CIT: variants seen among roughly 807,000 people sequenced by gnomAD.
CIT encodes citron Rho-interacting kinase.
Under a neutral mutation model 272.7 loss-of-function variants are expected in CIT, and 79 were observed. That is an observed-to-expected ratio of 0.29 (90% CI 0.24 to 0.35). The LOEUF is 0.35. CIT is among the 10% of genes least tolerant of loss of function. The pLI is 1.00. For synonymous variants in CIT, 948 were observed against 995.6 expected (o/e 0.95, Z 0.90); for missense variants, 1,909 against 2,618.3 (o/e 0.73, Z 5.91).
At chr12:119,708,419 C>G (rs1956986625) in intron 39 of CIT, 101 bp from the exon 40 acceptor site, 2 of 1,187,394 alleles carry the variant, frequency 1.7e-6, no homozygotes, top group African/African-American at 1.6e-5. Context: ...TCACAAGAGG[C>G]CACACAGATG....
intron 3 of CIT, among the ~76,000 whole-genome samples, chr12:119,864,073 T>C (rs1164858228): frequency 2.0e-5 from 3 of 152,020 alleles, no homozygotes; most frequent in African/African-American, 7.2e-5. Flanking sequence ...CAGACTCAGA[T>C]GCACGTTTAA....
intron 32 of CIT, among the ~76,000 whole-genome samples, chr12:119,715,654 C>A (rs1322900736): frequency 6.6e-6 from 1 of 152,090 alleles, no homozygotes; most frequent in African/African-American, 2.4e-5. Flanking sequence ...CTGAAAAAGA[C>A]TGAATTGTAC....
In CIT at chr12:119,718,620, T is replaced by C. The variant is rs1415712275; in HGVS notation, c.4003+79A>G. ...CCATAAACGAAGACACTGAGCTAGT[T>C]AGTCTTGGCTGATCTCACTGAGATC... On this transcript the variant is annotated intron_variant, in intron 31 of 47. Coordinates refer to ENST00000392521, the MANE Select transcript of CIT (RefSeq NM_001206999.2). The surrounding 1 kb of genome is among the most constrained non-coding windows in gnomAD (Gnocchi z 4.8). 6.4e-6 allele frequency: 10 copies of C among 1,568,546 alleles called. No individual in the cohort carries two copies. Among genetic ancestry groups the C allele is most frequent in the Middle Eastern group, 2.3e-4 (1 of 4,288 alleles).
At chr12:119,741,541 A>G (rs1179317126) in intron 24 of CIT, among the ~76,000 whole-genome samples, 2 of 152,232 alleles carry the variant, frequency 1.3e-5, no homozygotes, top group Non-Finnish European at 2.9e-5. Context: ...TTAGGACTTA[A>G]TATTTCATTT....
At chr12:119,726,873 G>A (rs181365319) in intron 28 of CIT, among the ~76,000 whole-genome samples, 74 of 152,306 alleles carry the variant, frequency 4.9e-4, no homozygotes, top group East Asian at 3.5e-3. Context: ...CAGCCATCAC[G>A]TAAGGGATGG....
intron 40 of CIT, among the ~76,000 whole-genome samples, chr12:119,707,838 G>T (rs1177003184): frequency 6.6e-6 from 1 of 152,192 alleles, no homozygotes; most frequent in Admixed American, 6.5e-5. Context: ...CTTCTGCAAG[G>T]ACATCCGCCC....
At chr12:119,699,687 T>C in intron 44 of CIT, 1 of 406,382 alleles carries the variant, frequency 2.5e-6, no homozygotes, top group South Asian at 1.8e-5. Context: ...GTGCCATGTT[T>C]GTGAGCCTGT....
At chr12:119,735,499 G>A (rs1005669023) in intron 24 of CIT, 142 bp from the exon 25 acceptor site, 3 of 743,378 alleles carry the variant, frequency 4.0e-6, no homozygotes, top group African/African-American at 3.5e-5. Context: ...GACCGTGAGA[G>A]CCATGTCCAA....
intron 6 of CIT, 73 bp downstream of exon 6, chr12:119,834,013 C>A: frequency 7.0e-7 from 1 of 1,424,422 alleles, no homozygotes; most frequent in Non-Finnish European, 9.6e-7. Flanking sequence ...CTCATCCACT[C>A]ATTTCCATGC....
Position 119,713,707 on chromosome 12 carries a change from T to C in CIT, c.4307-59A>G, listed in dbSNP as rs754932776. ...CTCAGCTGACCCTGGACCCTTCCCT[T>C]CCTCTGCCAGCCAACGCCTGGGCTT... is the stretch of plus-strand genomic sequence containing the variant. On this transcript the variant is annotated intron_variant, in intron 33 of 47. Transcript: ENST00000392521. This position sits in a 1 kb window ranked among gnomAD's most constrained non-coding sequence, Gnocchi z 5.2. 3.2e-6 allele frequency: 5 copies of C among 1,578,784 alleles called. No individual in the cohort carries two copies. The East Asian group carries it at 1.1e-4, about 35-fold the overall frequency.
At chr12:119,876,802 G>T (rs1950863657) in intron 1 of CIT, among the ~76,000 whole-genome samples, 1 of 152,174 alleles carries the variant, frequency 6.6e-6, no homozygotes, top group African/African-American at 2.4e-5. Context: ...CAACAGCGAG[G>T]CCAGACGGAC....
In CIT at chr12:119,704,634, C is replaced by T. The variant is rs1449178919; in HGVS notation, c.5212-179G>A. Among the ~76,000 whole-genome samples the T allele has an allele frequency of 1.3e-5, 2 of 152,148 alleles. 1 individual carries two copies. Among genetic ancestry groups the T allele is most frequent in the Non-Finnish European group, 2.9e-5 (2 of 68,032 alleles). On this transcript the variant is annotated intron_variant, in intron 40 of 47. Coordinates refer to ENST00000392521, the MANE Select transcript of CIT (RefSeq NM_001206999.2). ...ATGAGCAGTATCCCTGGCCTTGACC[C>T]ACTAGATGCCTGCAGCACTTCAATG...
chr12:119,859,813 C>CA (rs56033716), intron 3 of CIT, among the ~76,000 whole-genome samples: 122 of 138,830 alleles, frequency 8.8e-4, no homozygotes, highest in East Asian at 1.9e-3. Flanking sequence ...GACTCCGTCT[C>CA]AAAAAAAAAA....
chr12:119,789,822 T>A (rs868066363), intron 10 of CIT, among the ~76,000 whole-genome samples: 48 of 151,836 alleles, frequency 3.2e-4, no homozygotes, highest in Middle Eastern at 6.9e-3. Context: ...TTCCCCTGAC[T>A]CAGCTCCCGA....
intron 24 of CIT, among the ~76,000 whole-genome samples, chr12:119,740,842 G>C (rs1959023859): frequency 6.6e-6 from 1 of 152,170 alleles, no homozygotes; most frequent in Non-Finnish European, 1.5e-5. Flanking sequence ...CTCAAGGAAG[G>C]GAGGAGGGAT....
At chr12:119,743,015 T>C (rs1465015191) in intron 23 of CIT, among the ~76,000 whole-genome samples, 1 of 152,096 alleles carries the variant, frequency 6.6e-6, no homozygotes, top group East Asian at 1.9e-4. Flanking sequence ...GAAATAAATA[T>C]ATATAGGCTT....
chr12:119,759,707 C>A (rs1008496067), intron 20 of CIT, among the ~76,000 whole-genome samples: 1 of 152,162 alleles, frequency 6.6e-6, no homozygotes, highest in African/African-American at 2.4e-5. Context: ...TGAGGTGGTA[C>A]GGTTTTATCT....
intron 19 of CIT, among the ~76,000 whole-genome samples, chr12:119,761,710 A>G (rs1284628182): frequency 1.3e-5 from 2 of 152,160 alleles, no homozygotes; most frequent in African/African-American, 4.8e-5. Context: ...CTCTGATCCA[A>G]CTAGGGGGAG....
At chr12:119,866,262 T>C (rs1950512424) in intron 3 of CIT, among the ~76,000 whole-genome samples, 1 of 152,120 alleles carries the variant, frequency 6.6e-6, no homozygotes, top group Non-Finnish European at 1.5e-5. Flanking sequence ...CCTTGTGTAG[T>C]TTCCTCTCAG....
Sources: gnomAD v4.1 joint callset for allele counts (sites outside exome capture counted in the v4.1 genomes callset) on GRCh38, gnomAD v4.1.1 for gene constraint, Gnocchi (gnomAD v3.1) non-coding constraint, MANE v1.5 for transcripts, NCBI Gene and HGNC (gene_info 2026-07-23, HGNC 2026-07-21) for gene names.